The following MAPK10 variants were observed in gnomAD, a reference collection of about 807,000 sequenced individuals.
The protein encoded by MAPK10 is mitogen-activated protein kinase 10, also known as JNK3 alpha protein kinase.
In MAPK10, 25 loss-of-function variants were observed where a neutral mutation model predicts 59.3. The observed-to-expected ratio is 0.42, with a 90% CI of 0.31 to 0.59. MAPK10 has a LOEUF of 0.59. MAPK10 is among the 20% of genes least tolerant of loss of function. The probability of loss-of-function intolerance (pLI) is 0.15; values close to 1 mark genes in which losing one functional copy is unlikely to be tolerated. For synonymous variants in MAPK10, 190 were observed against 200.5 expected (o/e 0.95, Z 0.44); for missense variants, 351 against 568.9 (o/e 0.62, Z 3.90).
At chr4:86,449,743 G>A (rs931211544) in intron 1 of MAPK10, among the ~76,000 whole-genome samples, 1 of 152,354 alleles carries the variant, frequency 6.6e-6, no homozygotes, top group East Asian at 1.9e-4. Flanking sequence ...CGTGGCAAAG[G>A]CGATAGCATA....
chr4:86,423,783 A>ATATATATATATATATATATATATC (rs1746876591), intron 1 of MAPK10, among the ~76,000 whole-genome samples: 1 of 123,480 alleles, frequency 8.1e-6, no homozygotes, highest in Non-Finnish European at 1.8e-5. Context: ...ATATATATAT[A>ATATATATATATATATATATATATC]TATATATATA....
At chr4:86,565,367 A>G (rs978667744) in intron 1 of MAPK10, among the ~76,000 whole-genome samples, 2 of 152,220 alleles carry the variant, frequency 1.3e-5, no homozygotes, top group South Asian at 2.1e-4. Context: ...GACAGGAACA[A>G]ATCTTAAATT....
chr4:86,520,072 G>A (rs1055080087), intron 1 of MAPK10, among the ~76,000 whole-genome samples: 1 of 151,964 alleles, frequency 6.6e-6, no homozygotes, highest in African/African-American at 2.4e-5. Context: ...CTGACTTTAG[G>A]TAACCTGATG....
intron 7 of MAPK10, chr4:86,101,475 T>C: frequency 2.4e-6 from 1 of 423,438 alleles, no homozygotes; most frequent in Non-Finnish European, 4.3e-6. Context: ...GAAAAAAAAA[T>C]ATTTATTGTC....
intron 1 of MAPK10, among the ~76,000 whole-genome samples, chr4:86,555,149 C>T (rs1220828847): frequency 6.6e-6 from 1 of 152,112 alleles, no homozygotes; most frequent in Non-Finnish European, 1.5e-5. Flanking sequence ...AAACTAAGTT[C>T]CTTAAAAGTA....
At chr4:86,212,585 C>G (rs1184023458) in intron 2 of MAPK10, among the ~76,000 whole-genome samples, 1 of 152,024 alleles carries the variant, frequency 6.6e-6, no homozygotes, top group Non-Finnish European at 1.5e-5. Context: ...GATGGTTATA[C>G]TAACATCAGA....
chr4:86,546,341 A>G (rs112966296), intron 1 of MAPK10, among the ~76,000 whole-genome samples: 7,108 of 152,056 alleles, frequency 0.047, 219 homozygotes, highest in African/African-American at 0.059. Flanking sequence ...TGAGGTTAGG[A>G]GTTCGAGACA....
intron 11 of MAPK10, among the ~76,000 whole-genome samples, chr4:86,062,228 T>C (rs1385122819): frequency 6.6e-6 from 1 of 152,142 alleles, no homozygotes; most frequent in Non-Finnish European, 1.5e-5. Flanking sequence ...ACTTGCTTGT[T>C]CTGTGCATTA....
At chr4:86,025,583 TAAGAG>T (rs778570890) in intron 13 of MAPK10, 1 of 398,136 alleles carries the variant, frequency 2.5e-6, no homozygotes, top group Non-Finnish European at 4.4e-6. Context: ...CTATATTATT[TAAGAG>T]AAAACAGTAG....
chr4:86,566,640 A>C (rs1371918219), intron 1 of MAPK10, among the ~76,000 whole-genome samples: 1 of 152,016 alleles, frequency 6.6e-6, no homozygotes, highest in South Asian at 2.1e-4. Context: ...GCTTGAACGC[A>C]GGTGACGGAG....
At chr4:86,289,082 T>C (rs1019827186) in intron 2 of MAPK10, among the ~76,000 whole-genome samples, 1 of 152,154 alleles carries the variant, frequency 6.6e-6, no homozygotes, top group African/African-American at 2.4e-5. Flanking sequence ...TATATTTAGA[T>C]AGAGTAGTCA....
intron 1 of MAPK10, among the ~76,000 whole-genome samples, chr4:86,401,467 G>A (rs935203239): frequency 6.6e-6 from 1 of 152,144 alleles, no homozygotes; most frequent in Non-Finnish European, 1.5e-5. Context: ...AGATGTTCTT[G>A]AGATAACTAA....
intron 1 of MAPK10, among the ~76,000 whole-genome samples, chr4:86,446,131 G>A (rs1750005633): frequency 6.6e-6 from 1 of 152,218 alleles, no homozygotes; most frequent in African/African-American, 2.4e-5. Flanking sequence ...CAGAAGGGAA[G>A]AATTAGAAAT....
intron 2 of MAPK10, among the ~76,000 whole-genome samples, chr4:86,267,870 T>C (rs2094308068): frequency 6.6e-6 from 1 of 152,180 alleles, no homozygotes; most frequent in Non-Finnish European, 1.5e-5. Flanking sequence ...TATTTATCCA[T>C]AGACATTGTT....
At chr4:86,035,458 C>CG (rs1553919766) in intron 11 of MAPK10, among the ~76,000 whole-genome samples, 2 of 144,412 alleles carry the variant, frequency 1.4e-5, no homozygotes, top group African/African-American at 5.2e-5. Context: ...TGTAAGAGAA[C>CG]GGAACAGTGA....
chr4:86,496,371 T>G (rs1754874804), intron 1 of MAPK10, among the ~76,000 whole-genome samples: 1 of 152,198 alleles, frequency 6.6e-6, no homozygotes, highest in African/African-American at 2.4e-5. Flanking sequence ...TTTTAAGTTC[T>G]TTTTAAAATA....
intron 1 of MAPK10, among the ~76,000 whole-genome samples, chr4:86,532,099 CA>C (rs1757899374): frequency 6.8e-6 from 1 of 147,038 alleles, no homozygotes; most frequent in African/African-American, 2.5e-5. Context: ...TATATACATA[CA>C]TATATATATA....
chr4:86,145,219 G>A lies in MAPK10; in HGVS notation c.236+14079C>T, dbSNP rs533076562. On this transcript the variant is annotated intron_variant, in intron 4 of 13. Coordinates refer to ENST00000641462, the MANE Select transcript of MAPK10 (RefSeq NM_138982.4). Reference sequence around the variant, plus strand: ...TCCATTCAAATTTCTATCTCTAGCCGGGCGTGGTGGCGCGCGCCTGTAGTC... The same window carrying A: ...TCCATTCAAATTTCTATCTCTAGCCAGGCGTGGTGGCGCGCGCCTGTAGTC... 3.6e-5 allele frequency among the ~76,000 whole-genome samples: 5 copies of A among 140,588 alleles called. No homozygotes were observed. The South Asian group carries it at 1.1e-3, about 30-fold the overall frequency. The allele number at this position is 140,588 out of a possible 152,430, so 92.2% of individuals were successfully genotyped here.
chr4:86,113,665 A>G (rs1250668947), intron 4 of MAPK10, among the ~76,000 whole-genome samples: 2 of 151,798 alleles, frequency 1.3e-5, no homozygotes, highest in Non-Finnish European at 2.9e-5. Flanking sequence ...CTTCATTTTG[A>G]CCTTGGAGAA....
Sources: allele counts gnomAD v4.1 joint callset (sites outside exome capture counted in the v4.1 genomes callset), GRCh38; gene constraint gnomAD v4.1.1; transcripts MANE v1.5; gene names NCBI Gene and HGNC (gene_info 2026-07-23, HGNC 2026-07-21).